MYT1L: variants seen among roughly 807,000 people sequenced by gnomAD.
The protein encoded by MYT1L is myelin transcription factor 1-like protein.
In MYT1L, 12 loss-of-function variants were observed where a neutral mutation model predicts 126.7. The ratio of observed to expected loss-of-function variants is 0.09; its 90% CI spans 0.06 to 0.15. The LOEUF is 0.15. Ranked by LOEUF, MYT1L falls within the 10% of genes least tolerant of loss-of-function variation. The pLI is 1.00. For synonymous variants in MYT1L, 541 were observed against 604.2 expected, an observed-to-expected ratio of 0.90 and a Z score of 1.53; for missense variants, 979 against 1,585.2, an observed-to-expected ratio of 0.62 and a Z score of 6.49.
chr2:2,130,214 G>T (rs1389203405), intron 3 of MYT1L, among the ~76,000 whole-genome samples: 1 of 151,926 alleles, frequency 6.6e-6, no homozygotes, highest in Non-Finnish European at 1.5e-5. Context: ...GCAGCACGAG[G>T]AGCTGAGGTA....
intron 3 of MYT1L, among the ~76,000 whole-genome samples, chr2:2,099,517 C>T (rs745348585): frequency 6.6e-6 from 1 of 152,122 alleles, no homozygotes; most frequent in Non-Finnish European, 1.5e-5. Context: ...CAGCACTTGC[C>T]GTTCTGGGTC....
intron 13 of MYT1L, among the ~76,000 whole-genome samples, chr2:1,906,340 T>G (rs1472173253): frequency 6.6e-6 from 1 of 152,212 alleles, no homozygotes; most frequent in East Asian, 1.9e-4. Flanking sequence ...TTGAAATCAA[T>G]GAATATTATA....
intron 21 of MYT1L, among the ~76,000 whole-genome samples, chr2:1,833,606 C>T (rs1048242743): frequency 2.6e-5 from 4 of 152,226 alleles, no homozygotes; most frequent in Non-Finnish European, 4.4e-5. Flanking sequence ...GGCCTTTACA[C>T]CTGACCTGAG....
chr2:2,221,627 G>A (rs888886913), intron 2 of MYT1L, among the ~76,000 whole-genome samples: 2 of 152,218 alleles, frequency 1.3e-5, no homozygotes, highest in African/African-American at 4.8e-5. Flanking sequence ...CACAGCGGGA[G>A]ACGCCGCCCA....
At position 1,979,498 on chromosome 2, in the gene MYT1L, C is replaced by T. The variant is rs1439514779; in HGVS notation, c.89+23G>A. On this transcript the variant is annotated intron_variant, in intron 7 of 24. Coordinates refer to ENST00000647738, the MANE Select transcript of MYT1L (RefSeq NM_001303052.2). The surrounding 1 kb of genome is among the most constrained non-coding windows in gnomAD (Gnocchi z 4.0). ...ATTTTCCAAACTGTTAATGGGGATG[C>T]ATTTTACCCACATGGCACTAACCTG... 2 of 1,610,376 alleles carry T rather than the reference C, an allele frequency of 1.2e-6. No homozygotes were observed. Among genetic ancestry groups the T allele is most frequent in the African/African-American group, 2.7e-5 (2 of 74,962 alleles).
intron 8 of MYT1L, among the ~76,000 whole-genome samples, chr2:1,967,044 C>T (rs972023323): frequency 2.6e-5 from 4 of 152,020 alleles, no homozygotes; most frequent in Admixed American, 6.5e-5. Flanking sequence ...TTTGGGGGTA[C>T]AAGTGGCTTT....
In MYT1L at chr2:2,172,543, G is replaced by A. The variant is rs950205437; in HGVS notation, c.-304+329C>T. ...GAAGCACCAGGCAGCTAAGATGAAAGTATTTACTCAAAGCAGCAAATGGGA... is the reference window on the plus strand; with the variant it reads ...GAAGCACCAGGCAGCTAAGATGAAAATATTTACTCAAAGCAGCAAATGGGA... On this transcript the variant is annotated intron_variant, in intron 3 of 24. Transcript: ENST00000647738. 4.6e-5 allele frequency among the ~76,000 whole-genome samples: 7 copies of A among 152,278 alleles called. No homozygotes were observed. The South Asian group carries it at 6.2e-4, about 13-fold the overall frequency.
intron 4 of MYT1L, among the ~76,000 whole-genome samples, chr2:2,002,933 A>G (rs2062545982): frequency 6.6e-6 from 1 of 152,098 alleles, no homozygotes; most frequent in Non-Finnish European, 1.5e-5. Flanking sequence ...ACCTTCTGCC[A>G]GGATTGTAAG....
At chr2:2,253,946 CAT>C (rs1207107593) in intron 2 of MYT1L, among the ~76,000 whole-genome samples, 3 of 152,142 alleles carry the variant, frequency 2.0e-5, no homozygotes, top group African/African-American at 7.2e-5. Context: ...GAAAAGATTA[CAT>C]AGTTTGGGAA....
intron 2 of MYT1L, among the ~76,000 whole-genome samples, chr2:2,243,515 T>C (rs1234901902): frequency 6.6e-6 from 1 of 152,202 alleles, no homozygotes; most frequent in African/African-American, 2.4e-5. Context: ...AGAAGTATCA[T>C]GCCAAATCAC....
chr2:2,066,498 T>C (rs2073899821), intron 3 of MYT1L, among the ~76,000 whole-genome samples: 1 of 152,184 alleles, frequency 6.6e-6, no homozygotes, highest in Non-Finnish European at 1.5e-5. Flanking sequence ...CTCTGTACAT[T>C]TGTTGTGAAT....
chr2:2,231,773 A>T (rs527519739), intron 2 of MYT1L, among the ~76,000 whole-genome samples: 340 of 152,214 alleles, frequency 2.2e-3, no homozygotes, highest in Middle Eastern at 6.8e-3. Flanking sequence ...TATATATATA[A>T]AAAAAGCATG....
chr2:2,149,255 T>C (rs1485422241), intron 3 of MYT1L, among the ~76,000 whole-genome samples: 2 of 152,200 alleles, frequency 1.3e-5, no homozygotes, highest in Admixed American at 6.5e-5. Flanking sequence ...GGGACTTTAA[T>C]GGAAAAGTGT....
At chr2:2,157,135 T>C (rs187583281) in intron 3 of MYT1L, among the ~76,000 whole-genome samples, 1 of 152,276 alleles carries the variant, frequency 6.6e-6, no homozygotes, top group East Asian at 1.9e-4. Flanking sequence ...TTTTATAAAA[T>C]AAAACAATCA....
At chr2:2,229,436 C>T (rs10167537) in intron 2 of MYT1L, among the ~76,000 whole-genome samples, 44,968 of 151,772 alleles carry the variant, frequency 0.3, 9,144 homozygotes, top group East Asian at 0.71. Flanking sequence ...CATAGGATTT[C>T]TTTCTTTCTT....
chr2:1,983,547 G>A (rs1188432398), intron 5 of MYT1L, among the ~76,000 whole-genome samples: 3 of 152,200 alleles, frequency 2.0e-5, no homozygotes, highest in Admixed American at 6.5e-5. Flanking sequence ...TAAGGCAGCT[G>A]GCCCTTGCCG....
At chr2:1,834,888 G>C (rs111226657) in intron 21 of MYT1L, among the ~76,000 whole-genome samples, 23 of 76,864 alleles carry the variant, frequency 3.0e-4, no homozygotes, top group African/African-American at 1.7e-3. Context: ...CATACCATGG[G>C]GATGGATACA....
intron 3 of MYT1L, among the ~76,000 whole-genome samples, chr2:2,102,214 C>T (rs1056771579): frequency 5.9e-5 from 9 of 152,130 alleles, no homozygotes; most frequent in Non-Finnish European, 1.3e-4. Flanking sequence ...TGGCAAGATA[C>T]TGGCAAACTG....
rs1173815556 is a variant in MYT1L at position 1,922,438 on chromosome 2, C to T, written c.1331G>A (p.Arg444Lys). 2 of 1,613,966 alleles carry T rather than the reference C, an allele frequency of 1.2e-6. No individual in the cohort carries two copies. The highest frequency in any genetic ancestry group is 1.7e-6 in the Non-Finnish European group (2 of 1,179,892). Residue 444 changes from arginine to lysine, a missense_variant, in exon 10 of 25, where the codon AGA becomes AAA. Around this residue, in one of 12 missense-constraint regions of MYT1L, gnomAD observed 67 missense variants for 80.3 expected, o/e 0.83. Coordinates refer to ENST00000647738, the MANE Select transcript of MYT1L (RefSeq NM_001303052.2). The surrounding 1 kb of genome is among the most constrained non-coding windows in gnomAD (Gnocchi z 7.4). The stretch of plus-strand genomic sequence containing the variant: ...CATCTTCTCCCTCATGGCCTTTGCT[C>T]TTTCCGTTTCCAAAGCGATGGCTTT... ...LEKAIALETE[R>K]AKAMREKMAM...
Sources: gnomAD v4.1 joint callset for allele counts (sites outside exome capture counted in the v4.1 genomes callset) on GRCh38, gnomAD v4.1.1 for gene constraint, gnomAD v4.1.1 regional missense constraint, Gnocchi (gnomAD v3.1) non-coding constraint, MANE v1.5 for transcripts, NCBI Gene and HGNC (gene_info 2026-07-23, HGNC 2026-07-21) for gene names.